Variants in TENM2 observed in about 807,000 individuals in gnomAD.
TENM2 encodes teneurin transmembrane protein 2, also known as teneurin-2.
TENM2 carries 52 observed loss-of-function variants against 245.2 expected under a neutral mutation model. The ratio of observed to expected loss-of-function variants is 0.21; its 90% CI spans 0.17 to 0.27. The LOEUF (loss-of-function observed/expected upper bound fraction) is 0.27, where lower values mean the gene tolerates loss of function less well. Among genes scored for constraint, TENM2 ranks in the 10% least tolerant of loss-of-function variants. The pLI, the probability that TENM2 is intolerant of heterozygous loss-of-function variation, is 1.00. For missense variants in TENM2, 3,046 were observed against 3,666.8 expected, an observed-to-expected ratio of 0.83 and a Z score of 4.37; for synonymous variants, 1,363 against 1,438.9, an observed-to-expected ratio of 0.95 and a Z score of 1.19.
chr5:167,060,153 T>C, the TENM2 span, among the ~76,000 whole-genome samples: 13 of 152,304 alleles, frequency 8.5e-5, no homozygotes, highest in Non-Finnish European at 1.8e-4. Context: ...TGTAGAAATA[T>C]TGAAATACAC....
At chr5:167,248,385 G>A in the TENM2 span, among the ~76,000 whole-genome samples, 1 of 152,150 alleles carries the variant, frequency 6.6e-6, no homozygotes, top group South Asian at 2.1e-4. Context: ...TCCACTGTGT[G>A]TTCAGAATCC....
chr5:167,608,086 G>A (rs1777185932), intron 2 of TENM2, among the ~76,000 whole-genome samples: 1 of 152,030 alleles, frequency 6.6e-6, no homozygotes, highest in African/African-American at 2.4e-5. Flanking sequence ...TGCCCAGAAG[G>A]TCATGCTATA....
At chr5:167,670,937 C>A (rs910513138) in intron 2 of TENM2, among the ~76,000 whole-genome samples, 1 of 152,100 alleles carries the variant, frequency 6.6e-6, no homozygotes. Flanking sequence ...GAAACCCTGG[C>A]ACTATCCCAA....
intron 2 of TENM2, among the ~76,000 whole-genome samples, chr5:167,815,463 G>A (rs973835758): frequency 1.3e-5 from 2 of 152,110 alleles, no homozygotes; most frequent in African/African-American, 4.8e-5. Context: ...TTATGGGGAG[G>A]CTAAAATGGG....
At chr5:167,111,423 T>A in the TENM2 span, among the ~76,000 whole-genome samples, 2 of 152,074 alleles carry the variant, frequency 1.3e-5, no homozygotes, top group African/African-American at 2.4e-5. Context: ...GAGTAAAAAA[T>A]AATAATAAAA....
intron 3 of TENM2, among the ~76,000 whole-genome samples, chr5:167,907,931 G>A (rs1334348431): frequency 6.6e-6 from 1 of 151,872 alleles, no homozygotes; most frequent in East Asian, 1.9e-4. Context: ...CCTCTTAGGG[G>A]AGATAAAGTT....
chr5:167,595,884 G>T lies in TENM2; in HGVS notation c.502+220411G>T, dbSNP rs140262954. ...TCCCTCTCCTCCCCCATAAAATAAA[G>T]GAAGAAAAACTTCATTGCAGTCACT... On this transcript the variant is annotated intron_variant, in intron 2 of 28. Coordinates refer to ENST00000518659, the Ensembl canonical transcript of TENM2. Among the ~76,000 whole-genome samples, 4 of 152,202 alleles carry T rather than the reference G, an allele frequency of 2.6e-5. No homozygotes were observed. In the East Asian group the frequency reaches 7.7e-4, roughly 29 times the overall value.
At chr5:167,761,490 T>C (rs1477324314) in intron 2 of TENM2, among the ~76,000 whole-genome samples, 2 of 152,114 alleles carry the variant, frequency 1.3e-5, no homozygotes, top group Non-Finnish European at 1.5e-5. Flanking sequence ...TGGAGAAATA[T>C]GGACTGCTAT....
chr5:167,832,137 G>A (rs1032756014), intron 2 of TENM2, among the ~76,000 whole-genome samples: 2 of 152,184 alleles, frequency 1.3e-5, no homozygotes, highest in Non-Finnish European at 1.5e-5. Context: ...AATGGTATTT[G>A]TATCTCTTTT....
At position 168,235,385 on chromosome 5, in the gene TENM2, C is replaced by T. The variant is rs189119191; in HGVS notation, c.5520+7255C>T. ...GCAAACAGATTAAATAATGTATTCC[C>T]CAAGCAAACATTACTTTTGGGTGGC... is the stretch of plus-strand genomic sequence containing the variant. On this transcript the variant is annotated intron_variant, in intron 25 of 28. Transcript: ENST00000518659. Among the ~76,000 whole-genome samples, 13 of 152,290 alleles carry T rather than the reference C, an allele frequency of 8.5e-5. No individual in the cohort carries two copies. In the East Asian group the frequency reaches 2.5e-3, roughly 29 times the overall value.
chr5:167,786,431 T>C (rs1223352974), intron 2 of TENM2, among the ~76,000 whole-genome samples: 2 of 152,186 alleles, frequency 1.3e-5, no homozygotes, highest in African/African-American at 4.8e-5. Flanking sequence ...CAAGATAAGT[T>C]CCAGTATGCC....
chr5:168,012,937 C>T (rs1785363426), intron 5 of TENM2, among the ~76,000 whole-genome samples: 1 of 152,134 alleles, frequency 6.6e-6, no homozygotes, highest in Admixed American at 6.5e-5. Flanking sequence ...TTTGCCATTC[C>T]CAGCACTTTG....
chr5:167,053,162 C>CT, the TENM2 span, among the ~76,000 whole-genome samples: 2 of 152,180 alleles, frequency 1.3e-5, no homozygotes, highest in Non-Finnish European at 2.9e-5. Context: ...CATATGTTAA[C>CT]TTTTTCCCAG....
chr5:167,676,112 T>C (rs1756308030), intron 2 of TENM2, among the ~76,000 whole-genome samples: 1 of 152,084 alleles, frequency 6.6e-6, no homozygotes, highest in African/African-American at 2.4e-5. Context: ...GCACATTCAT[T>C]CCACACATGG....
At chr5:167,682,145 C>A (rs1044110232) in intron 2 of TENM2, among the ~76,000 whole-genome samples, 1 of 139,588 alleles carries the variant, frequency 7.2e-6, no homozygotes, top group Non-Finnish European at 1.6e-5. Flanking sequence ...TGCCTGCCTG[C>A]GTTCCTTCCT....
chr5:168,139,361 C>T, intron 12 of TENM2: 1 of 392,004 alleles, frequency 2.6e-6, no homozygotes, highest in Non-Finnish European at 5.1e-6. Context: ...TTAATGAAAT[C>T]TCATCTTCTC....
At chr5:167,004,549 A>G in the TENM2 span, among the ~76,000 whole-genome samples, 7 of 152,340 alleles carry the variant, frequency 4.6e-5, no homozygotes, top group East Asian at 1.2e-3. Flanking sequence ...TATTCTATAA[A>G]TTCAGGTCAT....
chr5:167,908,547 GCCCTCTCTTCTCCTCTCTCCTCCCCTC>G (rs1776292478), intron 3 of TENM2, among the ~76,000 whole-genome samples: 1 of 10,594 alleles, frequency 9.4e-5, no homozygotes, highest in Non-Finnish European at 1.8e-4. Context: ...CTCCTCCCCT[GCCCTCTCTTCTCCTCTCTCCTCCCCTC>G]CCCTCTCCTC....
chr5:167,299,705 C>T (rs1195055962), intron 1 of TENM2, among the ~76,000 whole-genome samples: 2 of 151,916 alleles, frequency 1.3e-5, no homozygotes, highest in East Asian at 1.9e-4. Flanking sequence ...GGGTGAGGAA[C>T]AGGAAAGAAG....
Sources: allele counts gnomAD v4.1 joint callset (sites outside exome capture counted in the v4.1 genomes callset), GRCh38; gene constraint gnomAD v4.1.1; transcripts MANE v1.5; gene names NCBI Gene and HGNC (gene_info 2026-07-23, HGNC 2026-07-21).